UBE2D2: variants seen among roughly 807,000 people sequenced by gnomAD.
UBE2D2 encodes ubiquitin-conjugating enzyme E2 D2.
Under a neutral mutation model 24.2 loss-of-function variants are expected in UBE2D2, and 2 were observed. The ratio of observed to expected loss-of-function variants is 0.08; its 90% confidence interval spans 0.03 to 0.26. The LOEUF (loss-of-function observed/expected upper bound fraction) is 0.26, where lower values mean the gene tolerates loss of function less well. Ranked by LOEUF, UBE2D2 falls within the 10% of genes least tolerant of loss-of-function variation. The pLI is 1.00. For missense variants in UBE2D2, 44 were observed against 177.6 expected, an observed-to-expected ratio of 0.25 and a Z score of 4.28; for synonymous variants, 58 against 56.5, an observed-to-expected ratio of 1.03 and a Z score of -0.12.
At position 139,614,521 on chromosome 5, in the gene UBE2D2, G is replaced by A. The variant is rs990892133; in HGVS notation, c.89-65G>A. On this transcript the variant is annotated intron_variant, in intron 2 of 6. Transcript: ENST00000398733. Reference sequence around the variant, plus strand: ...ATTTGGATTAGAAGGGGAATGATATGTTACTATGGCGTAGATACAATGTAG... The same window carrying A: ...ATTTGGATTAGAAGGGGAATGATATATTACTATGGCGTAGATACAATGTAG... 3.3e-5 allele frequency: 52 copies of A among 1,567,538 alleles called. 1 individual carries two copies. The Admixed American group carries it at 8.6e-4, about 26-fold the overall frequency.
intron 2 of UBE2D2, among the ~76,000 whole-genome samples, chr5:139,601,751 T>C (rs1279024519): frequency 1.3e-5 from 2 of 151,580 alleles, no homozygotes; most frequent in Admixed American, 6.6e-5. Flanking sequence ...CTACTAAAAA[T>C]AGAAAAAAAT....
chr5:139,587,966 C>T (rs769906512), intron 1 of UBE2D2, among the ~76,000 whole-genome samples: 8 of 152,114 alleles, frequency 5.3e-5, no homozygotes, highest in Non-Finnish European at 7.3e-5. Context: ...AAGGTGGACG[C>T]GGTCACCTTC....
upstream of UBE2D2, among the ~76,000 whole-genome samples, chr5:139,559,644 G>A (rs1248778845): frequency 2.0e-5 from 3 of 152,128 alleles, no homozygotes; most frequent in Non-Finnish European, 4.4e-5. Flanking sequence ...TATGAGCTTT[G>A]CCACTCACCT....
intron 2 of UBE2D2, among the ~76,000 whole-genome samples, chr5:139,608,017 G>GAAA (rs200922337): frequency 8.4e-6 from 1 of 118,720 alleles, no homozygotes; most frequent in Non-Finnish European, 1.8e-5. Context: ...TGTCTCTTGG[G>GAAA]AAAAAAAAAA....
intron 2 of UBE2D2, among the ~76,000 whole-genome samples, chr5:139,605,368 G>A (rs1032051521): frequency 6.6e-6 from 1 of 151,844 alleles, no homozygotes; most frequent in Non-Finnish European, 1.5e-5. Flanking sequence ...CGAGGCGGGC[G>A]GATCACGAGG....
intron 1 of UBE2D2, among the ~76,000 whole-genome samples, chr5:139,576,595 C>T (rs1753475424): frequency 6.6e-6 from 1 of 151,982 alleles, no homozygotes; most frequent in Non-Finnish European, 1.5e-5. Context: ...TCTCAATCTC[C>T]TGACCTCGTG....
At chr5:139,562,454 C>T (rs1391523087) in intron 1 of UBE2D2, 3 of 1,284,570 alleles carry the variant, frequency 2.3e-6, no homozygotes, top group East Asian at 5.5e-5. Context: ...TCATTTTATT[C>T]CTTGAGGTTG....
At chr5:139,564,980 G>C (rs534450199) in intron 1 of UBE2D2, among the ~76,000 whole-genome samples, 2 of 152,020 alleles carry the variant, frequency 1.3e-5, no homozygotes, top group African/African-American at 4.8e-5. Context: ...TCCTAGGCAT[G>C]GATAAGATCA....
At chr5:139,619,584 C>T (rs543306597) in intron 5 of UBE2D2, among the ~76,000 whole-genome samples, 63 of 152,174 alleles carry the variant, frequency 4.1e-4, no homozygotes, top group African/African-American at 1.4e-3. Context: ...AAGGGTTTTG[C>T]CAGGTGCGGT....
chr5:139,625,439 CCTTTTTTT>C (rs986080691), intron 6 of UBE2D2, among the ~76,000 whole-genome samples: 1 of 23,948 alleles, frequency 4.2e-5, no homozygotes, highest in African/African-American at 1.2e-4. Flanking sequence ...CACCCCCCCC[CCTTTTTTT>C]TTTTTTTTTT....
chr5:139,593,459 AT>A (rs993703392), intron 1 of UBE2D2, among the ~76,000 whole-genome samples: 1 of 152,026 alleles, frequency 6.6e-6, no homozygotes, highest in Non-Finnish European at 1.5e-5. Flanking sequence ...TGACCCTGAA[AT>A]TTTATATATA....
intron 1 of UBE2D2, among the ~76,000 whole-genome samples, chr5:139,532,187 T>TG (rs1752605811): frequency 2.7e-5 from 4 of 150,322 alleles, no homozygotes; most frequent in Admixed American, 1.3e-4. Flanking sequence ...TTTTTTTTTT[T>TG]TGGGGGGGAC....
intron 1 of UBE2D2, among the ~76,000 whole-genome samples, chr5:139,585,935 CAAAAAAAAAAA>C (rs60277561): frequency 2.2e-3 from 55 of 25,568 alleles, no homozygotes; most frequent in African/African-American, 4.3e-3. Flanking sequence ...GACTCTGTCT[CAAAAAAAAAAA>C]AAAAAAAAAA....
At position 139,566,172 on chromosome 5, in the gene UBE2D2, C is replaced by T. The variant is rs550865239; in HGVS notation, c.24+4357C>T. 5.3e-5 allele frequency among the ~76,000 whole-genome samples: 8 copies of T among 152,124 alleles called. No homozygotes were observed. In the South Asian group the frequency reaches 1.2e-3, roughly 24 times the overall value. ...TAGCTGGGATTACAGGCACTCACCA[C>T]CATGCCCAGCTAATTTTTGTATTTT... On this transcript the variant is annotated intron_variant, in intron 1 of 6. Transcript: ENST00000398733.
At chr5:139,548,897 G>T (rs779737861) in intron 1 of UBE2D2, among the ~76,000 whole-genome samples, 12 of 150,990 alleles carry the variant, frequency 7.9e-5, no homozygotes, top group Non-Finnish European at 1.5e-4. Context: ...TGCCCAGGCT[G>T]GAGTGCAGTG....
intron 1 of UBE2D2, among the ~76,000 whole-genome samples, chr5:139,599,205 G>C (rs1002536462): frequency 6.6e-6 from 1 of 151,754 alleles, no homozygotes; most frequent in East Asian, 1.9e-4. Flanking sequence ...AAAGTGCTGG[G>C]ATTACAAGCA....
At chr5:139,570,666 G>A (rs1753336750) in intron 1 of UBE2D2, among the ~76,000 whole-genome samples, 1 of 152,050 alleles carries the variant, frequency 6.6e-6, no homozygotes, top group Admixed American at 6.6e-5. Flanking sequence ...CGCGTGCCAT[G>A]ATGCCCAGCT....
intron 1 of UBE2D2, among the ~76,000 whole-genome samples, chr5:139,595,892 G>GTTTTTTTTTTTTTTTTTTTTTTT (rs70988709): frequency 1.0e-5 from 1 of 98,878 alleles, no homozygotes; most frequent in Non-Finnish European, 2.0e-5. Flanking sequence ...GTTTTTTGTT[G>GTTTTTTTTTTTTTTTTTTTTTTT]TTTTTTTTTT....
Position 139,569,260 on chromosome 5 carries a change from A to G in UBE2D2, c.24+7445A>G, listed in dbSNP as rs569737830. 3.9e-5 allele frequency among the ~76,000 whole-genome samples: 6 copies of G among 152,244 alleles called. No homozygotes were observed. The South Asian group carries it at 1.0e-3, about 26-fold the overall frequency. ...TTTTTTATTTCCTTTACAAAAGATC[A>G]TTGAATTAAGGCACTTTCTTTGGCT... On this transcript the variant is annotated intron_variant, in intron 1 of 6. Transcript: ENST00000398733.
Sources: allele counts gnomAD v4.1 joint callset (sites outside exome capture counted in the v4.1 genomes callset), GRCh38; gene constraint gnomAD v4.1.1; transcripts MANE v1.5; gene names NCBI Gene and HGNC (gene_info 2026-07-23, HGNC 2026-07-21).